The following ADCY8 variants were observed in gnomAD, a reference collection of about 807,000 sequenced individuals.
ADCY8 encodes adenylate cyclase type 8.
Under a neutral mutation model 119.7 loss-of-function variants are expected in ADCY8, and 51 were observed. The observed-to-expected ratio is 0.43, with a 90% CI of 0.34 to 0.54. The LOEUF is 0.54. Among genes scored for constraint, ADCY8 ranks in the 20% least tolerant of loss-of-function variants. The pLI is 0.03. For synonymous variants in ADCY8, 665 were observed against 651.0 expected, an observed-to-expected ratio of 1.02 and a Z score of -0.33; for missense variants, 1,383 against 1,598.8, an observed-to-expected ratio of 0.87 and a Z score of 2.30.
At chr8:130,784,050 G>T (rs1288250877) in intron 16 of ADCY8, among the ~76,000 whole-genome samples, 2 of 152,140 alleles carry the variant, frequency 1.3e-5, no homozygotes, top group African/African-American at 4.8e-5. Flanking sequence ...ATCTACACCT[G>T]TCTGTTCAGG....
intron 2 of ADCY8, among the ~76,000 whole-genome samples, chr8:130,988,056 A>G (rs937123895): frequency 6.6e-6 from 1 of 152,234 alleles, no homozygotes; most frequent in African/African-American, 2.4e-5. Context: ...TATTATTCCC[A>G]TGCCATTGAT....
intron 3 of ADCY8, among the ~76,000 whole-genome samples, chr8:130,950,763 G>A (rs983809325): frequency 2.0e-5 from 3 of 152,090 alleles, no homozygotes; most frequent in Admixed American, 6.6e-5. Flanking sequence ...TCAGTGGTGC[G>A]ATCTCAGTTC....
chr8:131,034,539 T>A (rs879892473), intron 1 of ADCY8, among the ~76,000 whole-genome samples: 3 of 152,180 alleles, frequency 2.0e-5, no homozygotes, highest in Non-Finnish European at 1.5e-5. Context: ...TTAACAATCA[T>A]TCTTTAGCAT....
At chr8:130,813,780 TACATAC>T (rs1277360307) in intron 14 of ADCY8, among the ~76,000 whole-genome samples, 1 of 152,164 alleles carries the variant, frequency 6.6e-6, no homozygotes, top group East Asian at 1.9e-4. Context: ...CATACATACG[TACATAC>T]ACATACATAT....
intron 12 of ADCY8, among the ~76,000 whole-genome samples, chr8:130,822,745 G>C (rs191532286): frequency 6.6e-6 from 1 of 152,192 alleles, no homozygotes; most frequent in African/African-American, 2.4e-5. Context: ...GTTTGGACTC[G>C]TGAAGATCCA....
At chr8:130,892,380 T>C (rs1427203297) in intron 7 of ADCY8, 1 of 152,150 alleles carries the variant, frequency 6.6e-6, no homozygotes. Flanking sequence ...CATCCTTTGA[T>C]TGACTTTTGT....
chr8:130,906,559 C>T (rs1446465988), intron 6 of ADCY8, among the ~76,000 whole-genome samples: 3 of 152,088 alleles, frequency 2.0e-5, no homozygotes, highest in South Asian at 4.2e-4. Context: ...TTGGTAGAAA[C>T]TGGGTTTTAG....
At chr8:130,981,220 G>A (rs866873875) in intron 2 of ADCY8, among the ~76,000 whole-genome samples, 28 of 152,118 alleles carry the variant, frequency 1.8e-4, no homozygotes, top group Admixed American at 1.5e-3. Flanking sequence ...AGATAGTGCC[G>A]TTAAATTATT....
intron 11 of ADCY8, among the ~76,000 whole-genome samples, chr8:130,844,720 G>A (rs535591944): frequency 6.6e-6 from 1 of 152,336 alleles, no homozygotes; most frequent in East Asian, 1.9e-4. Flanking sequence ...GTATCAGAAT[G>A]TCAACTGGTG....
At chr8:130,886,001 G>A (rs751874131) in intron 7 of ADCY8, among the ~76,000 whole-genome samples, 1 of 151,954 alleles carries the variant, frequency 6.6e-6, no homozygotes, top group African/African-American at 2.4e-5. Context: ...TTGCCGCCAA[G>A]CCAGATCTGC....
At chr8:130,995,981 A>T (rs1822760984) in intron 1 of ADCY8, among the ~76,000 whole-genome samples, 1 of 152,146 alleles carries the variant, frequency 6.6e-6, no homozygotes, top group Non-Finnish European at 1.5e-5. Context: ...GCACTTAATA[A>T]GTTCTAGATA....
intron 5 of ADCY8, among the ~76,000 whole-genome samples, chr8:130,929,745 A>G (rs1820577407): frequency 1.3e-5 from 2 of 152,162 alleles, no homozygotes; most frequent in Admixed American, 6.5e-5. Context: ...GAAGTCCTCT[A>G]CTATAGTTAT....
chr8:130,950,106 T>C (rs1821226068), intron 3 of ADCY8, among the ~76,000 whole-genome samples: 1 of 152,244 alleles, frequency 6.6e-6, no homozygotes, highest in South Asian at 2.1e-4. Flanking sequence ...TCCTCTATCC[T>C]GCTGACATTA....
At chr8:130,903,261 G>A (rs1273680743) in intron 7 of ADCY8, among the ~76,000 whole-genome samples, 1 of 152,042 alleles carries the variant, frequency 6.6e-6, no homozygotes, top group African/African-American at 2.4e-5. Flanking sequence ...CTTTGAAATT[G>A]CATGCTCCTC....
At chr8:131,035,362 C>T (rs1330813433) in intron 1 of ADCY8, among the ~76,000 whole-genome samples, 1 of 152,110 alleles carries the variant, frequency 6.6e-6, no homozygotes, top group Non-Finnish European at 1.5e-5. Context: ...ATGCAGAAAA[C>T]ATATGGGTGA....
In ADCY8 at chr8:130,990,552, A is replaced by G. The variant is rs1173325144; in HGVS notation, c.961-10T>C. On this transcript the variant is annotated splice_polypyrimidine_tract_variant and intron_variant, in intron 1 of 17. Coordinates refer to ENST00000286355, the MANE Select transcript of ADCY8 (RefSeq NM_001115.3). ...CTGCCTGGGCCACAACCTAAAATAA[A>G]CACAGTCTGGTCAGGCGCTTAAAAC... 7.4e-6 allele frequency: 12 copies of G among 1,612,870 alleles called. No homozygotes were observed. The highest frequency in any genetic ancestry group is 1.0e-5 in the Non-Finnish European group (12 of 1,179,108).
At chr8:130,871,804 C>A (rs1020385521) in intron 8 of ADCY8, among the ~76,000 whole-genome samples, 1 of 152,104 alleles carries the variant, frequency 6.6e-6, no homozygotes, top group African/African-American at 2.4e-5. Context: ...TCTCATTATT[C>A]CCCTTGCTTC....
intron 1 of ADCY8, among the ~76,000 whole-genome samples, chr8:130,993,696 A>T (rs891004145): frequency 1.9e-4 from 29 of 152,152 alleles, no homozygotes; most frequent in African/African-American, 6.8e-4. Flanking sequence ...ACCATGTAAG[A>T]CATGCCTTTC....
intron 1 of ADCY8, among the ~76,000 whole-genome samples, chr8:130,991,152 A>AT (rs1194127631): frequency 6.6e-6 from 1 of 152,136 alleles, no homozygotes; most frequent in East Asian, 1.9e-4. Flanking sequence ...CTACTTTTTC[A>AT]TTTGCCCCCC....
Sources: allele counts gnomAD v4.1 joint callset (sites outside exome capture counted in the v4.1 genomes callset), GRCh38; gene constraint gnomAD v4.1.1; transcripts MANE v1.5; gene names NCBI Gene and HGNC (gene_info 2026-07-23, HGNC 2026-07-21).